Variants in NAV3 observed in about 807,000 individuals in gnomAD.
The protein encoded by NAV3 is neuron navigator 3.
NAV3 carries 87 observed loss-of-function variants against 244.7 expected under a neutral mutation model. The ratio of observed to expected loss-of-function variants is 0.36; its 90% CI spans 0.30 to 0.42. NAV3 has a LOEUF of 0.42. Among genes scored for constraint, NAV3 ranks in the 20% least tolerant of loss-of-function variants. NAV3 has a pLI of 1.00. For missense variants in NAV3, 2,663 were observed against 2,893.3 expected (o/e 0.92, Z 1.83); for synonymous variants, 1,126 against 1,042.2 (o/e 1.08, Z -1.55).
At chr12:78,038,324 C>T (rs1880267077) in intron 9 of NAV3, among the ~76,000 whole-genome samples, 1 of 152,164 alleles carries the variant, frequency 6.6e-6, no homozygotes, top group African/African-American at 2.4e-5. Flanking sequence ...CCACAAAGGG[C>T]TTCATATTGG....
intron 12 of NAV3, among the ~76,000 whole-genome samples, chr12:78,090,001 G>A (rs1384365639): frequency 6.6e-6 from 1 of 151,908 alleles, no homozygotes; most frequent in African/African-American, 2.4e-5. Flanking sequence ...ACATTTATAT[G>A]ATCTTGTTTG....
intron 21 of NAV3, among the ~76,000 whole-genome samples, chr12:78,148,444 T>C (rs1331206788): frequency 1.3e-5 from 2 of 152,068 alleles, no homozygotes; most frequent in African/African-American, 4.8e-5. Context: ...ACATGGAGTA[T>C]CTTTTACTAA....
At chr12:77,582,185 A>ATATCAAATTAT (rs1869395537) in intron 2 of NAV3, among the ~76,000 whole-genome samples, 1 of 152,238 alleles carries the variant, frequency 6.6e-6, no homozygotes, top group African/African-American at 2.4e-5. Context: ...TTGAAATTAC[A>ATATCAAATTAT]TATCAAATTA....
At chr12:77,842,077 T>C (rs1201111069) in intron 1 of NAV3, among the ~76,000 whole-genome samples, 1 of 152,168 alleles carries the variant, frequency 6.6e-6, no homozygotes, top group Admixed American at 6.6e-5. Context: ...AAATTCACCA[T>C]TTAAAAAATA....
intron 2 of NAV3, among the ~76,000 whole-genome samples, chr12:77,639,188 T>G (rs570093606): frequency 6.6e-6 from 1 of 152,140 alleles, no homozygotes; most frequent in East Asian, 1.9e-4. Flanking sequence ...TAAACAGATT[T>G]AAAAAAATTT....
rs551681292 is a variant in NAV3 at position 78,100,352 on chromosome 12, AT to A, written c.2637-16414del. ...ATTATTCTTTGAGTCCTCTTGATGG[AT>A]TTTTTCCCCCACACTTTCCCCAAAA... On this transcript the variant is annotated intron_variant, in intron 12 of 39. Transcript: ENST00000397909. Among the ~76,000 whole-genome samples, 17 of 151,730 alleles carry A rather than the reference AT, an allele frequency of 1.1e-4. 1 individual carries two copies. Among genetic ancestry groups the A allele is most frequent in the East Asian group, 1.9e-4 (1 of 5,178 alleles).
At position 77,624,313 on chromosome 12, in the gene NAV3, G is replaced by C. The variant is rs143166906; in HGVS notation, c.72+52047G>C. On this transcript the variant is annotated intron_variant, in intron 2 of 8. Coordinates refer to the NAV3 transcript ENST00000550042. ...ATGTGAGAAACAGTAGGGGATGAGAGAACTAGCGGAAAGTTGCAAGAAATA... is the reference window on the plus strand; with the variant it reads ...ATGTGAGAAACAGTAGGGGATGAGACAACTAGCGGAAAGTTGCAAGAAATA... Among the ~76,000 whole-genome samples the C allele has an allele frequency of 8.3e-4, 126 of 152,260 alleles. 1 individual carries two copies. The highest frequency in any genetic ancestry group is 2.8e-3 in the African/African-American group (116 of 41,560).
intron 34 of NAV3, among the ~76,000 whole-genome samples, chr12:78,195,828 T>A (rs300499): frequency 0.99 from 150,827 of 152,146 alleles, 74,771 homozygotes; most frequent in Middle Eastern, 1. Flanking sequence ...ATTATATTGA[T>A]ATCATTTGTA....
chr12:77,978,512 ATTAT>A (rs1441818445), intron 5 of NAV3, among the ~76,000 whole-genome samples: 2 of 152,064 alleles, frequency 1.3e-5, no homozygotes, highest in Admixed American at 6.6e-5. Context: ...ACTATATGAA[ATTAT>A]TTATTAATCT....
intron 30 of NAV3, among the ~76,000 whole-genome samples, 163 bp downstream of exon 30, chr12:78,181,208 T>C (rs1958485594): frequency 6.6e-6 from 1 of 152,080 alleles, no homozygotes; most frequent in South Asian, 2.1e-4. Context: ...TAGTTATAAT[T>C]TTAAAAGCAC....
At chr12:77,585,725 C>G (rs1869574603) in intron 2 of NAV3, among the ~76,000 whole-genome samples, 1 of 152,186 alleles carries the variant, frequency 6.6e-6, no homozygotes, top group South Asian at 2.1e-4. Flanking sequence ...GCCTGTCACT[C>G]AGCTCCTGCT....
At chr12:77,698,492 A>C (rs1032094836) in intron 2 of NAV3, among the ~76,000 whole-genome samples, 1 of 152,148 alleles carries the variant, frequency 6.6e-6, no homozygotes, top group South Asian at 2.1e-4. Flanking sequence ...GAATTTGGCT[A>C]TAGGGGTCCA....
chr12:77,932,147 A>G (rs1219328989), intron 1 of NAV3, among the ~76,000 whole-genome samples: 1 of 152,094 alleles, frequency 6.6e-6, no homozygotes, highest in Non-Finnish European at 1.5e-5. Flanking sequence ...GGAAGCAAAA[A>G]TCAGTTGCTG....
chr12:77,936,564 TA>T (rs1172591168), intron 1 of NAV3, among the ~76,000 whole-genome samples: 2 of 152,094 alleles, frequency 1.3e-5, no homozygotes, highest in African/African-American at 4.8e-5. Flanking sequence ...ATTTCTTCAC[TA>T]AAAAAACTAT....
intron 2 of NAV3, among the ~76,000 whole-genome samples, chr12:77,619,357 T>C (rs922053703): frequency 4.7e-4 from 72 of 152,312 alleles, no homozygotes; most frequent in African/African-American, 1.7e-3. Context: ...CCATGAATGA[T>C]GTCAGGCAGA....
At chr12:77,613,114 A>G (rs1360667552) in intron 2 of NAV3, among the ~76,000 whole-genome samples, 1 of 152,188 alleles carries the variant, frequency 6.6e-6, no homozygotes, top group African/African-American at 2.4e-5. Context: ...TAGCAGCATG[A>G]GAACGAAATG....
intron 2 of NAV3, among the ~76,000 whole-genome samples, chr12:77,686,519 C>A (rs960496009): frequency 6.8e-6 from 1 of 146,744 alleles, no homozygotes; most frequent in Non-Finnish European, 1.5e-5. Context: ...TATACTTTTC[C>A]TATATATGTA....
chr12:77,963,869 CTCCT>C (rs1265026187), intron 3 of NAV3, among the ~76,000 whole-genome samples: 6 of 62,020 alleles, frequency 9.7e-5, no homozygotes, highest in East Asian at 6.5e-4. Flanking sequence ...CCCTCCCTCC[CTCCT>C]TCCTTCCTTC....
chr12:77,923,344 C>T (rs528010659), intron 1 of NAV3, among the ~76,000 whole-genome samples: 2 of 152,034 alleles, frequency 1.3e-5, no homozygotes, highest in East Asian at 3.9e-4. Flanking sequence ...TTTAAGCTAT[C>T]GAATTTAATT....
Sources: gnomAD v4.1 joint callset for allele counts (sites outside exome capture counted in the v4.1 genomes callset) on GRCh38, gnomAD v4.1.1 for gene constraint, MANE v1.5 for transcripts, NCBI Gene and HGNC (gene_info 2026-07-23, HGNC 2026-07-21) for gene names.